RPRD2: variants seen among roughly 807,000 people sequenced by gnomAD.
RPRD2 encodes regulation of nuclear pre-mRNA domain containing 2, also known as regulation of nuclear pre-mRNA domain-containing protein 2.
RPRD2 carries 12 observed loss-of-function variants against 104.4 expected under a neutral mutation model. The observed-to-expected ratio is 0.11, with a 90% CI of 0.07 to 0.19. RPRD2 has a LOEUF of 0.19. RPRD2 is among the 10% of genes least tolerant of loss of function. The probability of loss-of-function intolerance (pLI) is 1.00; values close to 1 mark genes in which losing one functional copy is unlikely to be tolerated. For synonymous variants in RPRD2, 714 were observed against 684.9 expected (o/e 1.04, Z -0.66); for missense variants, 1,543 against 1,790.1 (o/e 0.86, Z 2.49).
chr1:150,371,029 A>G (rs925672464), intron 1 of RPRD2, among the ~76,000 whole-genome samples: 2 of 152,166 alleles, frequency 1.3e-5, no homozygotes, highest in African/African-American at 4.8e-5. Flanking sequence ...CTTTGAAGTA[A>G]ATCTCAATGC....
At chr1:150,372,036 G>T (rs587599928) in intron 1 of RPRD2, among the ~76,000 whole-genome samples, 27 of 152,040 alleles carry the variant, frequency 1.8e-4, no homozygotes, top group Admixed American at 2.6e-4. Flanking sequence ...TGAAGCTATC[G>T]TCTAGGTAAA....
intron 9 of RPRD2, among the ~76,000 whole-genome samples, chr1:150,461,196 C>A (rs1409381350): frequency 1.3e-5 from 2 of 150,956 alleles, no homozygotes; most frequent in Admixed American, 1.3e-4. Context: ...GAGTTCGAGA[C>A]CAGCCTTGGC....
intron 1 of RPRD2, among the ~76,000 whole-genome samples, chr1:150,368,723 C>T (rs1315169998): frequency 1.3e-5 from 2 of 152,024 alleles, no homozygotes; most frequent in African/African-American, 4.8e-5. Context: ...CTCTCAGCCT[C>T]CCAAAGTGCT....
At chr1:150,369,447 T>A (rs1660109652) in intron 1 of RPRD2, among the ~76,000 whole-genome samples, 1 of 78,150 alleles carries the variant, frequency 1.3e-5, no homozygotes. Flanking sequence ...GCTAATTTTT[T>A]TTTTTTTTTT....
rs587722312 is a variant in RPRD2, at chr1:150,439,846, A to G, written c.336-1077A>G. On this transcript the variant is annotated intron_variant, in intron 2 of 10. Coordinates refer to ENST00000369068, the MANE Select transcript of RPRD2 (RefSeq NM_015203.5). ...CACCAGTTTGATTCCTCTCCCTGACAATGGTTACGCCCTTCCTGCATTGTT... is the reference window on the plus strand; with the variant it reads ...CACCAGTTTGATTCCTCTCCCTGACGATGGTTACGCCCTTCCTGCATTGTT... 3.3e-5 allele frequency among the ~76,000 whole-genome samples: 5 copies of G among 151,950 alleles called. No individual in the cohort carries two copies. The South Asian group carries it at 8.3e-4, about 25-fold the overall frequency.
chr1:150,471,090 C>T lies in RPRD2; in HGVS notation c.2142C>T (p.Ser714=). 6.2e-7 allele frequency: 1 copy of T among 1,613,988 alleles called. No homozygotes were observed. ...HPSDFQRGPT[S]TSIDNIDGTP... is the part of the protein sequence containing the mutation. Reference sequence around the variant, plus strand: ...CAGACTTCCAGCGTGGCCCTACTAGCACCTCAATCGACAACATTGATGGAA... The same window carrying T: ...CAGACTTCCAGCGTGGCCCTACTAGTACCTCAATCGACAACATTGATGGAA... Residue 714 remains serine (S), a synonymous_variant, in exon 11 of 11, where the codon AGC becomes AGT. Transcript: ENST00000369068. The surrounding 1 kb of genome is among the most constrained non-coding windows in gnomAD (Gnocchi z 5.3).
At chr1:150,366,419 C>G (rs1248213302) in intron 1 of RPRD2, among the ~76,000 whole-genome samples, 3 of 152,174 alleles carry the variant, frequency 2.0e-5, no homozygotes, top group Non-Finnish European at 4.4e-5. Flanking sequence ...TTAGTAGATA[C>G]CGGACAGAAT....
chr1:150,423,942 G>A (rs1428737767), intron 2 of RPRD2, among the ~76,000 whole-genome samples: 3 of 151,788 alleles, frequency 2.0e-5, no homozygotes, highest in South Asian at 2.1e-4. Context: ...ACAGGCATGC[G>A]CCACCACGCC....
At position 150,464,631 on chromosome 1, in the gene RPRD2, C is replaced by G; in HGVS notation, c.1516C>G (p.Pro506Ala). The G allele has an allele frequency of 3.7e-6, 6 of 1,612,446 alleles. No individual in the cohort carries two copies. Among genetic ancestry groups the G allele is most frequent in the Non-Finnish European group, 5.1e-6 (6 of 1,179,264 alleles). ...PAPATTTSHN[P>A]LANILSKVEI... ...ACCTGCCACGACAACATCTCACAAC[C>G]CTCTGGCAAATATCCTCTCCAAGGT... Residue 506 changes from proline to alanine, a missense_variant, in exon 10 of 11, where the codon CCT becomes GCT. Pro to Ala is a conservative substitution (Grantham distance 27). Around this residue, in one of 4 missense-constraint regions of RPRD2, gnomAD observed 572 missense variants for 787.3 expected, o/e 0.73. Coordinates refer to ENST00000369068, the MANE Select transcript of RPRD2 (RefSeq NM_015203.5).
At chr1:150,470,343 C>G (rs1286131379) in intron 10 of RPRD2, among the ~76,000 whole-genome samples, 3 of 152,034 alleles carry the variant, frequency 2.0e-5, no homozygotes, top group Non-Finnish European at 4.4e-5. Context: ...CTGGACTGTA[C>G]TGGAAACATT....
At chr1:150,377,089 T>C (rs1553879721) in intron 1 of RPRD2, among the ~76,000 whole-genome samples, 1 of 151,556 alleles carries the variant, frequency 6.6e-6, no homozygotes, top group East Asian at 2.0e-4. Context: ...CATGTGCCTG[T>C]AGTCTCAGCT....
chr1:150,388,366 A>ATG (rs1436715362), intron 1 of RPRD2, among the ~76,000 whole-genome samples: 2 of 81,038 alleles, frequency 2.5e-5, no homozygotes, highest in African/African-American at 4.5e-5. Flanking sequence ...ACATATATAC[A>ATG]TGTATACACA....
At chr1:150,434,269 T>C (rs964280468) in intron 2 of RPRD2, among the ~76,000 whole-genome samples, 2 of 152,044 alleles carry the variant, frequency 1.3e-5, no homozygotes, top group African/African-American at 4.8e-5. Flanking sequence ...GGCAAGAAAA[T>C]TGCTTGAGCC....
At chr1:150,393,376 T>G (rs587720509) in intron 1 of RPRD2, among the ~76,000 whole-genome samples, 2 of 147,400 alleles carry the variant, frequency 1.4e-5, no homozygotes, top group East Asian at 4.1e-4. Flanking sequence ...ATGGATCGAT[T>G]GAGTCCAGGA....
At chr1:150,433,811 A>G (rs1439909242) in intron 2 of RPRD2, among the ~76,000 whole-genome samples, 1 of 148,198 alleles carries the variant, frequency 6.7e-6, no homozygotes, top group African/African-American at 2.5e-5. Context: ...TATAATATGT[A>G]TAATATATGT....
chr1:150,453,537 C>T (rs1383120704), intron 7 of RPRD2, among the ~76,000 whole-genome samples: 3 of 152,148 alleles, frequency 2.0e-5, no homozygotes, highest in Non-Finnish European at 4.4e-5. Context: ...GGGTTGTGGA[C>T]TAAATTGCTC....
chr1:150,408,733 G>T (rs1553887125), intron 1 of RPRD2, among the ~76,000 whole-genome samples: 1 of 152,186 alleles, frequency 6.6e-6, no homozygotes, highest in Non-Finnish European at 1.5e-5. Context: ...TAATATGGAT[G>T]CACCTTTACC....
chr1:150,388,499 A>ACG (rs1560159839), intron 1 of RPRD2, among the ~76,000 whole-genome samples: 4 of 72,104 alleles, frequency 5.5e-5, no homozygotes, highest in African/African-American at 1.4e-4. Flanking sequence ...ATACCCGCGC[A>ACG]CACACACACA....
rs1666616147 is a variant in RPRD2 at position 150,444,364 on chromosome 1, C to A, written c.681C>A (p.Leu227=). The A allele has an allele frequency of 1.2e-6, 2 of 1,612,898 alleles. No homozygotes were observed. Among genetic ancestry groups the A allele is most frequent in the African/African-American group, 1.3e-5 (1 of 74,872 alleles). ...MRVDVCSTET[L]KCLKDKTGGK... is the part of the protein sequence containing the mutation. ...TGGATGTGTGCAGCACAGAAACTCT[C>A]AAATGCTTAAAAGGTAATGCTTACA... Residue 227 remains leucine (L), a synonymous_variant, in exon 6 of 11, where the codon CTC becomes CTA. Coordinates refer to ENST00000369068, the MANE Select transcript of RPRD2 (RefSeq NM_015203.5).
Sources: gnomAD v4.1 joint callset for allele counts (sites outside exome capture counted in the v4.1 genomes callset) on GRCh38, gnomAD v4.1.1 for gene constraint, gnomAD v4.1.1 regional missense constraint, Gnocchi (gnomAD v3.1) non-coding constraint, MANE v1.5 for transcripts, NCBI Gene and HGNC (gene_info 2026-07-23, HGNC 2026-07-21) for gene names.